PSPC1: variants seen among roughly 807,000 people sequenced by gnomAD.
PSPC1 encodes paraspeckle protein 1.
Under a neutral mutation model 51.6 loss-of-function variants are expected in PSPC1, and 14 were observed. That is an observed-to-expected ratio of 0.27 (90% confidence interval 0.18 to 0.42). The LOEUF (loss-of-function observed/expected upper bound fraction) is 0.42. Among genes scored for constraint, PSPC1 ranks in the 10% least tolerant of loss-of-function variants. The pLI, the probability that PSPC1 is intolerant of heterozygous loss-of-function variation, is 1.00. For synonymous variants in PSPC1, 193 were observed against 231.9 expected (o/e 0.83, Z 1.53); for missense variants, 406 against 701.1 (o/e 0.58, Z 4.75).
intron 6 of PSPC1, among the ~76,000 whole-genome samples, chr13:19,722,636 A>G (rs1882908761): frequency 6.6e-6 from 1 of 151,854 alleles, no homozygotes; most frequent in Non-Finnish European, 1.5e-5. Context: ...TCTACCAAAA[A>G]TACAAAAATT....
chr13:19,779,364 G>A (rs1473391161), intron 1 of PSPC1, among the ~76,000 whole-genome samples: 6 of 103,604 alleles, frequency 5.8e-5, no homozygotes, highest in Non-Finnish European at 4.1e-5. Context: ...CAGCCGTGCC[G>A]TCCGGGAGGG....
chr13:19,701,723 C>T (rs1267685634), downstream of PSPC1, among the ~76,000 whole-genome samples: 4 of 152,112 alleles, frequency 2.6e-5, no homozygotes, highest in Non-Finnish European at 4.4e-5. Flanking sequence ...AAACAGACAC[C>T]ACTATTTACA....
At position 19,782,898 on chromosome 13, in the gene PSPC1, C is replaced by G. The variant is rs1890130612; in HGVS notation, c.-141G>C. 2.2e-6 allele frequency: 2 copies of G among 927,550 alleles called. No homozygotes were observed. Among genetic ancestry groups the G allele is most frequent in the Non-Finnish European group, 2.9e-6 (2 of 678,408 alleles). 57.5% of individuals were successfully genotyped at this position (927,550 alleles called of 1,614,324 possible). On this transcript the variant is annotated 5_prime_UTR_variant, in exon 1 of 9. Transcript: ENST00000338910. The surrounding 1 kb of genome is among the most constrained non-coding windows in gnomAD (Gnocchi z 4.5). ...ACCGCTAGGTAGGCGAGTCGGCAAC[C>G]CGTCCTCCCCCAACTCACGCCCGCT... is the stretch of plus-strand genomic sequence containing the variant.
chr13:19,730,966 A>AAAAAAAAAAAAAAAAAAAAC (rs1884014184), intron 5 of PSPC1, among the ~76,000 whole-genome samples: 1 of 25,502 alleles, frequency 3.9e-5, no homozygotes, highest in South Asian at 2.7e-3. Flanking sequence ...ACAAAAAAAC[A>AAAAAAAAAAAAAAAAAAAAC]AAAAAAAAAA....
intron 2 of PSPC1, among the ~76,000 whole-genome samples, chr13:19,762,331 G>C (rs919945377): frequency 6.6e-6 from 1 of 151,966 alleles, no homozygotes; most frequent in African/African-American, 2.4e-5. Context: ...GCCGAGGTGC[G>C]TGGATCACGA....
chr13:19,775,214 A>G (rs945121512), intron 1 of PSPC1, among the ~76,000 whole-genome samples: 1 of 151,800 alleles, frequency 6.6e-6, no homozygotes, highest in African/African-American at 2.4e-5. Context: ...TTAGCCAGGC[A>G]TGTGGCACGG....
rs185817344 is a variant in PSPC1 at position 19,768,917 on chromosome 13, T to C, written c.674+3325A>G. The stretch of plus-strand genomic sequence containing the variant: ...AGGGAAACCGAAGCAGGTGGATCAC[T>C]TGAGGCCAGGAGTTCCTGACCAGCC... On this transcript the variant is annotated intron_variant, in intron 2 of 8. Transcript: ENST00000338910. 5.1e-3 allele frequency among the ~76,000 whole-genome samples: 766 copies of C among 149,448 alleles called. 22 individuals are homozygous for C. The highest frequency in any genetic ancestry group is 0.028 in the Middle Eastern group (8 of 286).
intron 6 of PSPC1, among the ~76,000 whole-genome samples, chr13:19,694,187 A>G (rs1382910796): frequency 6.8e-6 from 1 of 147,338 alleles, no homozygotes; most frequent in Non-Finnish European, 1.5e-5. Context: ...ATACACACAC[A>G]CACACACTAA....
At position 19,782,901 on chromosome 13, in the gene PSPC1, T is replaced by C; in HGVS notation, c.-144A>G. The C allele has an allele frequency of 1.1e-6, 1 of 920,082 alleles. No individual in the cohort carries two copies. Among genetic ancestry groups the C allele is most frequent in the South Asian group, 3.2e-5 (1 of 31,070 alleles). The allele number at this position is 920,082 out of a possible 1,614,324, so 57.0% of individuals were successfully genotyped here. ...GCTAGGTAGGCGAGTCGGCAACCCG[T>C]CCTCCCCCAACTCACGCCCGCTGCA... is the stretch of plus-strand genomic sequence containing the variant. On this transcript the variant is annotated 5_prime_UTR_variant, in exon 1 of 9. Transcript: ENST00000338910. This position sits in a 1 kb window ranked among gnomAD's most constrained non-coding sequence, Gnocchi z 4.5.
chr13:19,750,565 T>C (rs904553714), intron 4 of PSPC1, among the ~76,000 whole-genome samples: 6 of 152,096 alleles, frequency 3.9e-5, no homozygotes, highest in Non-Finnish European at 5.9e-5. Flanking sequence ...CCATCTGTAC[T>C]CTTTCAAACA....
chr13:19,752,675 T>A (rs1886682501), intron 3 of PSPC1, among the ~76,000 whole-genome samples: 1 of 151,992 alleles, frequency 6.6e-6, no homozygotes, highest in African/African-American at 2.4e-5. Flanking sequence ...AACCTTCGCC[T>A]CCCGGGTTCG....
At chr13:19,712,793 A>C (rs1191919218) in intron 6 of PSPC1, among the ~76,000 whole-genome samples, 2 of 152,136 alleles carry the variant, frequency 1.3e-5, no homozygotes, top group African/African-American at 2.4e-5. Context: ...AATATCTTAA[A>C]GATGATTACT....
At chr13:19,730,524 A>T (rs1277413912) in intron 5 of PSPC1, among the ~76,000 whole-genome samples, 180 bp from the exon 6 acceptor site, 1 of 152,202 alleles carries the variant, frequency 6.6e-6, no homozygotes, top group East Asian at 1.9e-4. Flanking sequence ...TAATAAATCA[A>T]AAAAGCCAAA....
chr13:19,697,393 G>GT (rs1441185305), intron 6 of PSPC1, among the ~76,000 whole-genome samples: 1 of 152,110 alleles, frequency 6.6e-6, no homozygotes. Context: ...TTCCACTGTT[G>GT]TATCTTAAGC....
chr13:19,716,973 T>C (rs1161045766), intron 6 of PSPC1, among the ~76,000 whole-genome samples: 1 of 152,022 alleles, frequency 6.6e-6, no homozygotes, highest in Non-Finnish European at 1.5e-5. Flanking sequence ...GCAGATCACC[T>C]GAGGTCAGGG....
At chr13:19,733,111 T>C (rs971444094) in intron 5 of PSPC1, among the ~76,000 whole-genome samples, 3 of 152,296 alleles carry the variant, frequency 2.0e-5, no homozygotes, top group East Asian at 1.9e-4. Flanking sequence ...CAGGGACATA[T>C]GTATACACAG....
chr13:19,691,213 T>TA (rs1164592284), intron 6 of PSPC1, among the ~76,000 whole-genome samples: 1 of 152,086 alleles, frequency 6.6e-6, no homozygotes, highest in Non-Finnish European at 1.5e-5. Context: ...TGAACATTGA[T>TA]AAAGATGGGG....
intron 5 of PSPC1, among the ~76,000 whole-genome samples, chr13:19,741,259 A>T (rs922890862): frequency 2.6e-5 from 4 of 152,200 alleles, no homozygotes; most frequent in African/African-American, 9.6e-5. Flanking sequence ...AAAATAAATA[A>T]GAGCAACGCA....
intron 6 of PSPC1, among the ~76,000 whole-genome samples, chr13:19,710,270 CAG>C (rs1881228787): frequency 6.6e-6 from 1 of 152,152 alleles, no homozygotes; most frequent in South Asian, 2.1e-4. Context: ...AACTATAAAA[CAG>C]AAATATTCAG....
Sources: allele counts gnomAD v4.1 joint callset (sites outside exome capture counted in the v4.1 genomes callset), GRCh38; gene constraint gnomAD v4.1.1; non-coding constraint Gnocchi (gnomAD v3.1); transcripts MANE v1.5; gene names NCBI Gene and HGNC (gene_info 2026-07-23, HGNC 2026-07-21).